The following SFMBT2 variants were observed in gnomAD, a reference collection of about 807,000 sequenced individuals.
SFMBT2 encodes scm-like with four MBT domains protein 2.
SFMBT2 carries 38 observed loss-of-function variants against 110.1 expected under a neutral mutation model. The ratio of observed to expected loss-of-function variants is 0.35; its 90% CI spans 0.27 to 0.45. SFMBT2 has a LOEUF of 0.45. SFMBT2 is among the 20% of genes least tolerant of loss of function. The pLI, the probability that SFMBT2 is intolerant of heterozygous loss-of-function variation, is 1.00. For missense variants in SFMBT2, 1,011 were observed against 1,094.9 expected (o/e 0.92, Z 1.08); for synonymous variants, 425 against 425.4 (o/e 1.00, Z 0.01).
chr10:7,406,465 T>TAAA (rs76194396), intron 1 of SFMBT2, among the ~76,000 whole-genome samples: 23 of 120,044 alleles, frequency 1.9e-4, no homozygotes, highest in African/African-American at 7.1e-4. Flanking sequence ...GGGCAGTGGT[T>TAAA]AAAAAAAAAA....
At chr10:7,228,704 TTTC>T (rs1314715047) in intron 9 of SFMBT2, among the ~76,000 whole-genome samples, 2 of 134,552 alleles carry the variant, frequency 1.5e-5, no homozygotes, top group South Asian at 2.5e-4. Flanking sequence ...TCTTTCTTTC[TTTC>T]TTTCTTTCTT....
At chr10:7,167,466 T>A (rs1270016828) in intron 20 of SFMBT2, among the ~76,000 whole-genome samples, 2 of 152,188 alleles carry the variant, frequency 1.3e-5, no homozygotes, top group Admixed American at 1.3e-4. Flanking sequence ...TCTGCATTTA[T>A]AACGTTCAGG....
intron 4 of SFMBT2, among the ~76,000 whole-genome samples, chr10:7,351,884 T>A (rs370235863): frequency 0.012 from 1,753 of 151,394 alleles, 13 homozygotes; most frequent in Non-Finnish European, 0.018. Flanking sequence ...AAAAAAAATA[T>A]ATATATATAT....
chr10:7,209,214 TCTC>T (rs1304070242), intron 11 of SFMBT2, among the ~76,000 whole-genome samples: 2 of 152,198 alleles, frequency 1.3e-5, no homozygotes, highest in African/African-American at 4.8e-5. Flanking sequence ...CCACAATGCT[TCTC>T]CTTGATTATT....
intron 4 of SFMBT2, among the ~76,000 whole-genome samples, chr10:7,341,534 A>G (rs757540028): frequency 6.6e-6 from 1 of 152,230 alleles, no homozygotes; most frequent in Non-Finnish European, 1.5e-5. Context: ...GAGGAGATAG[A>G]AGAAGATACA....
intron 14 of SFMBT2, among the ~76,000 whole-genome samples, chr10:7,199,978 T>C (rs1838899314): frequency 6.6e-6 from 1 of 152,228 alleles, no homozygotes; most frequent in Non-Finnish European, 1.5e-5. Context: ...ACCAGCTCTT[T>C]AGAGGGTTTT....
chr10:7,339,656 G>C (rs536179720), intron 4 of SFMBT2, among the ~76,000 whole-genome samples: 1 of 152,328 alleles, frequency 6.6e-6, no homozygotes, highest in Non-Finnish European at 1.5e-5. Flanking sequence ...TCCGCTGACA[G>C]ATTTCACAGG....
chr10:7,292,027 C>T (rs2131860345), intron 4 of SFMBT2, among the ~76,000 whole-genome samples: 1 of 152,294 alleles, frequency 6.6e-6, no homozygotes, highest in East Asian at 1.9e-4. Flanking sequence ...CTGCCAGAAA[C>T]ATTGTAAAAT....
At chr10:7,361,561 C>T (rs183558058) in intron 4 of SFMBT2, among the ~76,000 whole-genome samples, 3 of 152,352 alleles carry the variant, frequency 2.0e-5, no homozygotes, top group Non-Finnish European at 2.9e-5. Context: ...TCTCCTCACA[C>T]TTCATGAATA....
chr10:7,197,453 G>T (rs1315502304), intron 15 of SFMBT2, 95 bp downstream of exon 15: 4 of 1,505,310 alleles, frequency 2.7e-6, no homozygotes, highest in African/African-American at 2.8e-5. Flanking sequence ...CAGCTGAACT[G>T]CTTCCAATGC....
chr10:7,206,981 T>C, intron 11 of SFMBT2: 1 of 960,498 alleles, frequency 1.0e-6, no homozygotes. Context: ...ATCCCAGCAC[T>C]TTGGGAGGCC....
chr10:7,286,061 G>A, intron 4 of SFMBT2, 107 bp from the exon 5 acceptor site: 1 of 673,314 alleles, frequency 1.5e-6, no homozygotes, highest in South Asian at 1.7e-5. Context: ...TCTCCATGTA[G>A]GTTTGATTTC....
rs1257668467 is a variant in SFMBT2 at position 7,172,586 on chromosome 10, T to G, written c.2060A>C (p.Lys687Thr). The G allele has an allele frequency of 6.2e-7, 1 of 1,614,064 alleles. No individual in the cohort carries two copies. Among genetic ancestry groups the G allele is most frequent in the Non-Finnish European group, 8.5e-7 (1 of 1,180,032 alleles). Residue 687 changes from lysine to threonine, a missense_variant, in exon 18 of 21, where the codon AAA becomes ACA. Transcript: ENST00000397167. The surrounding 1 kb of genome is among the most constrained non-coding windows in gnomAD (Gnocchi z 4.6). ...CCGTCGCTTCCTCCGCCTGGCGGGT[T>G]TGGGGTGTCCGCTGTCGGGGTTGCT... ...GESNPDSGHP[K>T]PARRRKRRKS...
At position 7,171,902 on chromosome 10, in the gene SFMBT2, C is replaced by T; in HGVS notation, c.2408G>A (p.Gly803Glu). The change falls in exon 19 of 21, where the codon GGG (glycine) becomes GAG (glutamate). Residue 803 changes from glycine to glutamate, a missense_variant. Around this residue, in one of 2 missense-constraint regions of SFMBT2, gnomAD observed 979 missense variants for 1,016.1 expected, o/e 0.96. Coordinates refer to ENST00000397167, the MANE Select transcript of SFMBT2 (RefSeq NM_001387889.1). This position sits in a 1 kb window ranked among gnomAD's most constrained non-coding sequence, Gnocchi z 4.9. ...GEKCPPTKPE[G>E]TEDTKQEEEE... Reference sequence around the variant, plus strand: ...CCCACGCCCGGGCATCACCTCTGTCCCCTCGGGCTTGGTCGGCGGGCACTT... The same window carrying T: ...CCCACGCCCGGGCATCACCTCTGTCTCCTCGGGCTTGGTCGGCGGGCACTT... The T allele has an allele frequency of 1.4e-6, 2 of 1,432,650 alleles. No homozygotes were observed. Among genetic ancestry groups the T allele is most frequent in the African/African-American group, 1.5e-5 (1 of 68,700 alleles). The allele number at this position is 1,432,650 out of a possible 1,614,324, so 88.7% of individuals were successfully genotyped here. A position where few individuals can be genotyped will look rare whatever the true frequency, so the allele number is the denominator to read the frequency against.
intron 7 of SFMBT2, among the ~76,000 whole-genome samples, chr10:7,253,720 A>G (rs1368910444): frequency 6.6e-6 from 1 of 151,734 alleles, no homozygotes; most frequent in African/African-American, 2.4e-5. Flanking sequence ...ATCCTACTGA[A>G]CTTCAACTCC....
chr10:7,270,921 C>A (rs768071608), intron 7 of SFMBT2, among the ~76,000 whole-genome samples: 2 of 152,024 alleles, frequency 1.3e-5, no homozygotes, highest in Non-Finnish European at 2.9e-5. Flanking sequence ...ATGTGTATAC[C>A]TTTTGAGTCT....
At chr10:7,213,696 T>C (rs2462723) in intron 11 of SFMBT2, among the ~76,000 whole-genome samples, 113,998 of 123,738 alleles carry the variant, frequency 0.92, 52,286 homozygotes, top group East Asian at 0.99. Flanking sequence ...GCCATGGGTG[T>C]GGGCACTCAG....
chr10:7,168,035 T>C (rs1209830237), intron 20 of SFMBT2, among the ~76,000 whole-genome samples: 1 of 150,822 alleles, frequency 6.6e-6, no homozygotes, highest in Non-Finnish European at 1.5e-5. Flanking sequence ...GCCATTGCAC[T>C]CTAGCCTGGG....
intron 9 of SFMBT2, among the ~76,000 whole-genome samples, chr10:7,241,053 T>C (rs908840333): frequency 5.3e-5 from 8 of 152,322 alleles, no homozygotes; most frequent in African/African-American, 1.7e-4. Flanking sequence ...CTTTCCTGGC[T>C]GTTCTCCTAA....
Sources: gnomAD v4.1 joint callset for allele counts (sites outside exome capture counted in the v4.1 genomes callset) on GRCh38, gnomAD v4.1.1 for gene constraint, gnomAD v4.1.1 regional missense constraint, Gnocchi (gnomAD v3.1) non-coding constraint, MANE v1.5 for transcripts, NCBI Gene and HGNC (gene_info 2026-07-23, HGNC 2026-07-21) for gene names.